The following SYNE1 variants were observed in gnomAD, a reference collection of about 807,000 sequenced individuals.
SYNE1 encodes the protein spectrin repeat containing nuclear envelope protein 1, also known as nesprin-1.
SYNE1 carries 616 observed loss-of-function variants against 1,111.0 expected under a neutral mutation model. The ratio of observed to expected loss-of-function variants is 0.55; its 90% CI spans 0.52 to 0.59. The LOEUF is 0.59. Among genes scored for constraint, SYNE1 ranks in the 20% least tolerant of loss-of-function variants. The pLI, the probability that SYNE1 is intolerant of heterozygous loss-of-function variation, is 0.00. For synonymous variants in SYNE1, 3,855 were observed against 3,825.8 expected, an observed-to-expected ratio of 1.01 and a Z score of -0.28; for missense variants, 10,006 against 10,417.0, an observed-to-expected ratio of 0.96 and a Z score of 1.72.
Position 152,122,469 on chromosome 6 carries a change from C to A in SYNE1, c.26361G>T (p.Met8787Ile). The A allele has an allele frequency of 1.2e-6, 2 of 1,614,178 alleles. No homozygotes were observed. The highest frequency in any genetic ancestry group is 1.7e-6 in the Non-Finnish European group (2 of 1,180,030). Residue 8787 changes from methionine to isoleucine, a missense_variant, in exon 146 of 146, where the codon ATG becomes ATT. By Grantham distance (10) the Met-to-Ile change is conservative. This residue lies in a region of SYNE1 where 761 missense variants were observed against 795.5 expected (regional missense o/e 0.96). Coordinates refer to ENST00000367255, the MANE Select transcript of SYNE1 (RefSeq NM_182961.4). ...GAGGAGGGCCATTCGTGTATCTGAGCATGGGGTGGAATGACCGGGCAAAGT... is the reference window on the plus strand; with the variant it reads ...GAGGAGGGCCATTCGTGTATCTGAGAATGGGGTGGAATGACCGGGCAAAGT... ...SNNFARSFHP[M>I]LRYTNGPPPL
At chr6:152,279,807 AG>A (rs2093920490) in intron 97 of SYNE1, among the ~76,000 whole-genome samples, 1 of 152,142 alleles carries the variant, frequency 6.6e-6, no homozygotes, top group East Asian at 1.9e-4. Context: ...AGGAATTAAA[AG>A]ATGATTTCCT....
At chr6:152,263,517 A>T (rs2153656153) in intron 100 of SYNE1, among the ~76,000 whole-genome samples, 1 of 152,034 alleles carries the variant, frequency 6.6e-6, no homozygotes, top group South Asian at 2.1e-4. Flanking sequence ...CAGCCTCCCA[A>T]GTAGCCTCCC....
intron 12 of SYNE1, among the ~76,000 whole-genome samples, chr6:152,487,202 T>C (rs1470064319): frequency 6.6e-6 from 1 of 152,180 alleles, no homozygotes; most frequent in Non-Finnish European, 1.5e-5. Context: ...GATGCTCTCC[T>C]TCTCCCACTC....
chr6:152,192,638 AT>A (rs1438891881), intron 127 of SYNE1, among the ~76,000 whole-genome samples: 3 of 151,684 alleles, frequency 2.0e-5, no homozygotes, highest in African/African-American at 4.8e-5. Context: ...TGTCCGACTA[AT>A]TTTTTTGTAT....
At chr6:152,505,658 A>T (rs893529521) in intron 8 of SYNE1, among the ~76,000 whole-genome samples, 5 of 152,204 alleles carry the variant, frequency 3.3e-5, no homozygotes, top group African/African-American at 1.2e-4. Context: ...GTATTTTTAC[A>T]TTTATTTTAT....
Position 152,354,707 on chromosome 6 carries a change from T to A in SYNE1, c.10878A>T (p.Arg3626Ser). ...CCTTGGTTGCCCTGTTAGACTGACG[T>A]CTGGTCCTGGGACTAACTTTCTCCT... The part of the protein sequence containing the change: ...TAEEKVSPRT[R>S]RQSNRATKEI... The change falls in exon 67 of 146, where the codon AGA becomes AGT. Residue 3626 changes from arginine (R) to serine (S), a missense_variant. Transcript: ENST00000367255. 4 of 1,614,224 alleles carry A rather than the reference T, an allele frequency of 2.5e-6. No individual in the cohort carries two copies. The highest frequency in any genetic ancestry group is 1.7e-6 in the Non-Finnish European group (2 of 1,180,036).
At chr6:152,376,630 T>G in intron 57 of SYNE1, 72 bp from the exon 58 acceptor site, 3 of 1,587,584 alleles carry the variant, frequency 1.9e-6, no homozygotes, top group Non-Finnish European at 2.6e-6. Flanking sequence ...TTTGATAGAA[T>G]CACCAGTTCT....
intron 4 of SYNE1, among the ~76,000 whole-genome samples, chr6:152,532,321 C>T (rs1346993873): frequency 2.0e-5 from 3 of 152,142 alleles, no homozygotes; most frequent in Non-Finnish European, 4.4e-5. Flanking sequence ...TTGCCATCAT[C>T]CATAATCACT....
intron 28 of SYNE1, 82 bp from the exon 29 acceptor site, chr6:152,447,704 A>C: frequency 6.4e-7 from 1 of 1,552,788 alleles, no homozygotes; most frequent in Non-Finnish European, 8.9e-7. Context: ...CAGCCTAAAA[A>C]GGTTTGCAGG....
chr6:152,257,193 A>T lies in SYNE1; in HGVS notation c.18973-428T>A, dbSNP rs2091045741. ...ATTACACACTGTATACATGTATCCAAACATCACACTATACACCAGAAATAT... is the reference window on the plus strand; with the variant it reads ...ATTACACACTGTATACATGTATCCATACATCACACTATACACCAGAAATAT... On this transcript the variant is annotated intron_variant, in intron 101 of 145. Transcript: ENST00000367255. 2.0e-5 allele frequency among the ~76,000 whole-genome samples: 3 copies of T among 152,296 alleles called. No individual in the cohort carries two copies. In the South Asian group the frequency reaches 6.2e-4, roughly 32 times the overall value.
At chr6:152,347,361 G>T in intron 72 of SYNE1, 126 bp from the exon 73 acceptor site, 1 of 1,122,668 alleles carries the variant, frequency 8.9e-7, no homozygotes, top group Non-Finnish European at 1.3e-6. Context: ...ATTTACCTTA[G>T]TTATATATTA....
chr6:152,262,534 G>C (rs557400985), intron 100 of SYNE1, among the ~76,000 whole-genome samples: 1 of 152,192 alleles, frequency 6.6e-6, no homozygotes, highest in South Asian at 2.1e-4. Flanking sequence ...TCTAGGGAGA[G>C]TTACGATTAT....
rs1404553431 is a variant in SYNE1 at position 152,321,256 on chromosome 6, A to T, written c.16218T>A (p.Asp5406Glu). The T allele has an allele frequency of 2.5e-6, 4 of 1,613,740 alleles. No homozygotes were observed. The East Asian group carries it at 6.7e-5, about 27-fold the overall frequency. The change falls in exon 84 of 146, where the codon GAT becomes GAA. Residue 5406 changes from aspartate (D) to glutamate (E), a missense_variant. Asp to Glu is a conservative substitution (Grantham distance 45). Coordinates refer to ENST00000367255, the MANE Select transcript of SYNE1 (RefSeq NM_182961.4). Reference protein sequence around the residue: ...LSLQLAEVALDLKIRDQIQDK... With the variant: ...LSLQLAEVALELKIRDQIQDK... ...GGTTTACCTGATCTCGGATCTTTAG[A>T]TCTAACGCCACTTCAGCCAACTGAA...
rs528823716 is a variant in SYNE1, at chr6:152,554,772, C to T, written c.68-14751G>A. On this transcript the variant is annotated intron_variant, in intron 3 of 145. Coordinates refer to ENST00000367255, the MANE Select transcript of SYNE1 (RefSeq NM_182961.4). ...TTCTCCTGAATATGATACCATTTTT[C>T]CAGTTCTTAAACATCATCACCCAAG... Among the ~76,000 whole-genome samples the T allele has an allele frequency of 4.2e-3, 641 of 152,184 alleles. 3 individuals carry two copies. The highest frequency in any genetic ancestry group is 6.5e-3 in the Non-Finnish European group (442 of 68,002).
At chr6:152,206,066 T>C (rs549010086) in intron 126 of SYNE1, 102 bp downstream of exon 126, 10 of 1,158,168 alleles carry the variant, frequency 8.6e-6, no homozygotes, top group African/African-American at 1.5e-5. Context: ...CAGGGTATTA[T>C]TTCATGATCT....
At chr6:152,559,639 T>C (rs1439745009) in intron 3 of SYNE1, among the ~76,000 whole-genome samples, 1 of 152,130 alleles carries the variant, frequency 6.6e-6, no homozygotes, top group East Asian at 1.9e-4. Context: ...AAATAAGTTC[T>C]AAGAGGATGG....
intron 117 of SYNE1, 45 bp downstream of exon 117, chr6:152,224,449 T>C (rs1461165928): frequency 1.3e-6 from 2 of 1,582,198 alleles, no homozygotes; most frequent in Middle Eastern, 1.7e-4. Context: ...TTCAGTTTTC[T>C]AAAATTAAAA....
At chr6:152,596,098 T>TAAAAAAAAAAAAAAAAAAAAAAAAA (rs71017542) in intron 3 of SYNE1, among the ~76,000 whole-genome samples, 1 of 18,590 alleles carries the variant, frequency 5.4e-5, no homozygotes, top group Non-Finnish European at 1.0e-4. Context: ...AAGGGCAATC[T>TAAAAAAAAAAAAAAAAAAAAAAAAA]AAAAAAAAAA....
Position 152,510,220 on chromosome 6 carries a change from A to C in SYNE1, c.554T>G (p.Leu185Ter), listed in dbSNP as rs751619622. ...GCCAGCTGTGTACTGAACCCACTTTAATAAAGCCTTCTTAGCATTTCCTTG... is the reference window on the plus strand; with the variant it reads ...GCCAGCTGTGTACTGAACCCACTTTCATAAAGCCTTCTTAGCATTTCCTTG... ...KIQGNAKKALLKWVQYTAGKQ... is the reference protein window; with the variant it reads ...KIQGNAKKAL Residue 185 changes from leucine to a stop codon, truncating the protein, a stop_gained, in exon 8 of 146, where the codon TTA becomes TGA. Transcript: ENST00000367255. LOFTEE classifies it high-confidence loss of function. The C allele has an allele frequency of 6.2e-7, 1 of 1,613,938 alleles. No homozygotes were observed. The highest frequency in any genetic ancestry group is 8.5e-7 in the Non-Finnish European group (1 of 1,179,936).
Sources: gnomAD v4.1 joint callset for allele counts (sites outside exome capture counted in the v4.1 genomes callset) on GRCh38, gnomAD v4.1.1 for gene constraint, gnomAD v4.1.1 regional missense constraint, MANE v1.5 for transcripts, NCBI Gene and HGNC (gene_info 2026-07-23, HGNC 2026-07-21) for gene names.